FGF13: variants seen among roughly 807,000 people sequenced by gnomAD.
FGF13 encodes fibroblast growth factor 13.
In FGF13, 2 loss-of-function variants were observed where a neutral mutation model predicts 19.5. The ratio of observed to expected loss-of-function variants is 0.10; its 90% CI spans 0.04 to 0.32. FGF13 has a LOEUF of 0.32. Among genes scored for constraint, FGF13 ranks in the 10% least tolerant of loss-of-function variants. FGF13 has a pLI of 1.00. For synonymous variants in FGF13, 72 were observed against 76.9 expected (o/e 0.94, Z 0.33); for missense variants, 113 against 192.7 (o/e 0.59, Z 2.45).
At chrX:138,825,459 C>T (rs2091027248) in intron 3 of FGF13, among the ~76,000 whole-genome samples, 1 of 111,830 alleles carries the variant, frequency 8.9e-6, no homozygotes, top group Admixed American at 9.5e-5. Context: ...TAACTCAGTG[C>T]TTTCTCTTGC....
chrX:138,801,463 C>T (rs1355960607), intron 3 of FGF13, among the ~76,000 whole-genome samples: 1 of 111,557 alleles, frequency 9.0e-6, no homozygotes, highest in East Asian at 2.9e-4. Flanking sequence ...GAAGTTTCAC[C>T]CCAGAGGGGC....
chrX:139,129,018 A>C (rs1273002663), intron 1 of FGF13, among the ~76,000 whole-genome samples: 1 of 107,544 alleles, frequency 9.3e-6, no homozygotes, highest in Non-Finnish European at 1.9e-5. Flanking sequence ...CATTCAATAA[A>C]TGTGGTGGTG....
At position 138,630,145 on chromosome X, in the gene FGF13, G is replaced by C. The variant is rs1285971117; in HGVS notation, c.*2705C>G. The C allele has an allele frequency of 9.0e-6, 1 of 110,918 alleles. No individual in the cohort carries two copies. The highest frequency in any genetic ancestry group is 3.3e-5 in the African/African-American group (1 of 30,400). 9.1% of individuals were successfully genotyped at this position (110,918 alleles called of 1,213,427 possible). The stretch of plus-strand genomic sequence containing the variant: ...TTAATTTATTTTAACACCACTGTCT[G>C]TTTAAAGCAACTTTAAGGCAGCTCA... On this transcript the variant is annotated 3_prime_UTR_variant, in exon 5 of 5. Transcript: ENST00000315930.
At chrX:139,001,270 G>A (rs1043117649) in intron 1 of FGF13, among the ~76,000 whole-genome samples, 8 of 111,387 alleles carry the variant, frequency 7.2e-5, no homozygotes, top group Non-Finnish European at 1.5e-4. Context: ...CAGGACTTAG[G>A]GATGTGCAAA....
intron 1 of FGF13, among the ~76,000 whole-genome samples, chrX:139,079,919 TG>T (rs2083358162): frequency 1.8e-5 from 2 of 110,787 alleles, no homozygotes; most frequent in East Asian, 5.7e-4. Context: ...AGGCACTTAG[TG>T]AAGTGCCTTC....
intron 3 of FGF13, among the ~76,000 whole-genome samples, chrX:138,757,732 G>A (rs1315210995): frequency 9.0e-6 from 1 of 111,573 alleles, no homozygotes; most frequent in Non-Finnish European, 1.9e-5. Context: ...GCAAGGAGAT[G>A]TGGGACCATC....
intron 1 of FGF13, among the ~76,000 whole-genome samples, chrX:139,146,468 C>T (rs1392332931): frequency 8.9e-6 from 1 of 112,126 alleles, no homozygotes; most frequent in Non-Finnish European, 1.9e-5. Context: ...AGTCAGGAAA[C>T]AGCAGGTGCT....
intron 1 of FGF13, among the ~76,000 whole-genome samples, chrX:139,121,639 C>T (rs183556537): frequency 1.7e-4 from 19 of 111,103 alleles, no homozygotes; most frequent in Admixed American, 1.2e-3. Context: ...GTGATCCTCC[C>T]GTCTTGGCCT....
intron 1 of FGF13, among the ~76,000 whole-genome samples, chrX:138,730,074 A>T (rs1363466516): frequency 8.9e-6 from 1 of 111,985 alleles, no homozygotes; most frequent in Non-Finnish European, 1.9e-5. Flanking sequence ...AAATTATATC[A>T]CATAAAAATC....
At chrX:139,003,908 C>T (rs1406826876) in intron 1 of FGF13, among the ~76,000 whole-genome samples, 2 of 112,739 alleles carry the variant, frequency 1.8e-5, no homozygotes, top group Admixed American at 9.3e-5. Context: ...AATCCCTGAG[C>T]TAGACATAAA....
At chrX:138,928,987 T>G (rs2124255113) in intron 1 of FGF13, among the ~76,000 whole-genome samples, 2 of 111,866 alleles carry the variant, frequency 1.8e-5, no homozygotes, top group South Asian at 7.5e-4. Context: ...TTGCTCTTTC[T>G]CTCAACAATG....
chrX:139,012,315 G>A (rs2745720), intron 1 of FGF13, among the ~76,000 whole-genome samples: 7,472 of 110,607 alleles, frequency 0.068, 292 homozygotes, highest in African/African-American at 0.13. Context: ...AAATATCACC[G>A]TCATTCTTCA....
chrX:138,775,747 C>G (rs1015430597), intron 3 of FGF13, among the ~76,000 whole-genome samples: 1 of 112,608 alleles, frequency 8.9e-6, no homozygotes, highest in Admixed American at 9.4e-5. Context: ...GAAGATCCTA[C>G]GATTTTTCTG....
chrX:138,975,854 A>G (rs868423748), intron 1 of FGF13, among the ~76,000 whole-genome samples: 12 of 111,377 alleles, frequency 1.1e-4, no homozygotes, highest in Middle Eastern at 4.6e-3. Context: ...CAAGGTCACT[A>G]TGTTGTGTTT....
intron 2 of FGF13, among the ~76,000 whole-genome samples, chrX:138,706,321 G>A (rs1225930629): frequency 8.9e-6 from 1 of 111,901 alleles, no homozygotes; most frequent in African/African-American, 3.3e-5. Context: ...ATTTACAATG[G>A]CTGATTTCCT....
chrX:138,801,810 T>C (rs1002616564), intron 3 of FGF13, among the ~76,000 whole-genome samples: 18 of 112,452 alleles, frequency 1.6e-4, no homozygotes, highest in African/African-American at 5.8e-4. Context: ...AGAGGCAGTC[T>C]GTCCACAGCT....
intron 3 of FGF13, among the ~76,000 whole-genome samples, chrX:138,792,356 C>A (rs1019441282): frequency 8.9e-6 from 1 of 111,765 alleles, no homozygotes; most frequent in Admixed American, 9.5e-5. Flanking sequence ...AATGTCTTGC[C>A]CCAAATTGCA....
At chrX:138,815,873 G>A (rs748040888) in intron 3 of FGF13, among the ~76,000 whole-genome samples, 8 of 110,923 alleles carry the variant, frequency 7.2e-5, no homozygotes, top group African/African-American at 2.6e-4. Flanking sequence ...AGAAAACATG[G>A]GTGAATTCTT....
At chrX:139,165,990 C>A (rs2148258953) in intron 1 of FGF13, among the ~76,000 whole-genome samples, 1 of 111,821 alleles carries the variant, frequency 8.9e-6, no homozygotes. Context: ...AGGGACTTGC[C>A]TTGTCTCAGA....
Sources: allele counts gnomAD v4.1 joint callset (sites outside exome capture counted in the v4.1 genomes callset), GRCh38; gene constraint gnomAD v4.1.1; transcripts MANE v1.5; gene names NCBI Gene and HGNC (gene_info 2026-07-23, HGNC 2026-07-21).